Variants in PPP1R12B observed in about 807,000 individuals in gnomAD.
PPP1R12B encodes myosin phosphatase target subunit 2.
PPP1R12B carries 76 observed loss-of-function variants against 126.1 expected under a neutral mutation model. That is an observed-to-expected ratio of 0.60 (90% confidence interval 0.50 to 0.73). The LOEUF (loss-of-function observed/expected upper bound fraction) is 0.73, where lower values mean the gene tolerates loss of function less well. Ranked by LOEUF, PPP1R12B falls within the 30% of genes least tolerant of loss-of-function variation. The pLI, the probability that PPP1R12B is intolerant of heterozygous loss-of-function variation, is 0.00. For missense variants in PPP1R12B, 1,052 were observed against 1,205.1 expected (o/e 0.87, Z 1.88); for synonymous variants, 356 against 434.7 (o/e 0.82, Z 2.25).
intron 1 of PPP1R12B, among the ~76,000 whole-genome samples, chr1:202,401,199 T>C (rs2148561072): frequency 6.6e-6 from 1 of 151,854 alleles, no homozygotes; most frequent in East Asian, 1.9e-4. Context: ...TTTTTCTCTT[T>C]TTTTTTTAGA....
intron 11 of PPP1R12B, among the ~76,000 whole-genome samples, chr1:202,441,305 C>T (rs1051532402): frequency 1.3e-5 from 2 of 152,082 alleles, no homozygotes; most frequent in African/African-American, 2.4e-5. Flanking sequence ...TGGCATCACC[C>T]GGGTACATTT....
rs763306615 is a variant in PPP1R12B at position 202,416,914 on chromosome 1, C to G, written c.419C>G (p.Ala140Gly). ...AAASCGYLNI[A>G]EYFINHGASV... ...GCTTCCTGTGGCTATCTCAACATAGCAGAGTGAGTGAGTCTCTGTGTGTGT... is the reference window on the plus strand; with the variant it reads ...GCTTCCTGTGGCTATCTCAACATAGGAGAGTGAGTGAGTCTCTGTGTGTGT... The change falls in exon 2 of 24, where the codon GCA (alanine) becomes GGA (glycine). Residue 140 changes from alanine (A) to glycine (G), a missense_variant. Ala to Gly is a moderately conservative substitution (Grantham distance 60, BLOSUM62 0). Transcript: ENST00000608999. 2 of 1,613,512 alleles carry G rather than the reference C, an allele frequency of 1.2e-6. No homozygotes were observed. The highest frequency in any genetic ancestry group is 1.7e-6 in the Non-Finnish European group (2 of 1,179,622).
Position 202,377,372 on chromosome 1 carries a change from G to A in PPP1R12B, c.291+28230G>A, listed in dbSNP as rs1236047995. Among the ~76,000 whole-genome samples, 3 of 150,782 alleles carry A rather than the reference G, an allele frequency of 2.0e-5. No individual in the cohort carries two copies. The East Asian group carries it at 5.8e-4, about 29-fold the overall frequency. On this transcript the variant is annotated intron_variant, in intron 1 of 23. Coordinates refer to ENST00000608999, the MANE Select transcript of PPP1R12B (RefSeq NM_002481.4). Reference sequence around the variant, plus strand: ...GGCTGGAGTTCAGTGGCGTGATCTCGACTCACTGCAAGCTCCGCCTCCCGG... The same window carrying A: ...GGCTGGAGTTCAGTGGCGTGATCTCAACTCACTGCAAGCTCCGCCTCCCGG...
At chr1:202,531,641 A>T (rs890318099) in intron 18 of PPP1R12B, among the ~76,000 whole-genome samples, 2 of 152,218 alleles carry the variant, frequency 1.3e-5, no homozygotes, top group African/African-American at 4.8e-5. Flanking sequence ...AGGAACAGAG[A>T]TCTTAAACTA....
intron 18 of PPP1R12B, among the ~76,000 whole-genome samples, chr1:202,552,287 G>T (rs1158639672): frequency 1.3e-5 from 2 of 152,048 alleles, no homozygotes; most frequent in Admixed American, 6.6e-5. Flanking sequence ...AACAATGCAG[G>T]CTTCACTTCA....
At position 202,492,011 on chromosome 1, in the gene PPP1R12B, A is replaced by G. The variant is rs74338886; in HGVS notation, c.1942-1103A>G. ...TTGTGTGCTTCATCTTTGCTAAGTT[A>G]CCTACAGATTCCTAAATCATCCGTG... is the stretch of plus-strand genomic sequence containing the variant. On this transcript the variant is annotated intron_variant, in intron 14 of 23. Transcript: ENST00000608999. Among the ~76,000 whole-genome samples the G allele has an allele frequency of 2.1e-3, 315 of 152,230 alleles. 1 individual carries two copies. Among genetic ancestry groups the G allele is most frequent in the African/African-American group, 7.4e-3 (307 of 41,532 alleles).
At chr1:202,374,785 G>A (rs577960755) in intron 1 of PPP1R12B, among the ~76,000 whole-genome samples, 5 of 151,772 alleles carry the variant, frequency 3.3e-5, no homozygotes, top group Non-Finnish European at 5.9e-5. Flanking sequence ...CAATCCGCCC[G>A]CCTCTGCCTC....
chr1:202,571,757 G>A (rs928409451), intron 23 of PPP1R12B, among the ~76,000 whole-genome samples: 4 of 152,006 alleles, frequency 2.6e-5, no homozygotes, highest in African/African-American at 9.7e-5. Context: ...CGTCTGGCCA[G>A]GACTGATTTT....
At chr1:202,374,552 C>A (rs565305208) in intron 1 of PPP1R12B, among the ~76,000 whole-genome samples, 3 of 122,398 alleles carry the variant, frequency 2.5e-5, no homozygotes, top group Non-Finnish European at 3.2e-5. Flanking sequence ...GGCTGGAGTG[C>A]AGTGGCGCAA....
chr1:202,484,473 C>A (rs1677812516), intron 13 of PPP1R12B, among the ~76,000 whole-genome samples: 1 of 152,098 alleles, frequency 6.6e-6, no homozygotes, highest in South Asian at 2.1e-4. Context: ...CGGGTTTTGA[C>A]CATTTTGACT....
chr1:202,385,695 A>G (rs1442453229), intron 1 of PPP1R12B, among the ~76,000 whole-genome samples: 1 of 152,186 alleles, frequency 6.6e-6, no homozygotes, highest in Admixed American at 6.5e-5. Flanking sequence ...GAGTTGTGCA[A>G]GGGCTCACAG....
intron 9 of PPP1R12B, among the ~76,000 whole-genome samples, chr1:202,435,005 A>T (rs1670622136): frequency 6.6e-6 from 1 of 152,086 alleles, no homozygotes; most frequent in Non-Finnish European, 1.5e-5. Flanking sequence ...GTTCCTGGTG[A>T]GGGCCCTCTT....
At chr1:202,557,086 C>T (rs1687028392) in intron 18 of PPP1R12B, among the ~76,000 whole-genome samples, 1 of 152,194 alleles carries the variant, frequency 6.6e-6, no homozygotes, top group African/African-American at 2.4e-5. Context: ...CTCTTGTGCT[C>T]AAGTGATCCT....
In PPP1R12B at chr1:202,438,168, A is replaced by G. The variant is rs1671076804; in HGVS notation, c.1458+144A>G. On this transcript the variant is annotated intron_variant, in intron 10 of 23. Coordinates refer to ENST00000608999, the MANE Select transcript of PPP1R12B (RefSeq NM_002481.4). ...TCTTTAAAGAGAGAGAGGCACACTGATAGTTTATTCAAGTAGCTATTTGCT... is the reference window on the plus strand; with the variant it reads ...TCTTTAAAGAGAGAGAGGCACACTGGTAGTTTATTCAAGTAGCTATTTGCT... The G allele has an allele frequency of 4.5e-6, 7 of 1,560,534 alleles. No homozygotes were observed. The South Asian group carries it at 8.2e-5, about 18-fold the overall frequency.
chr1:202,420,118 T>A (rs1668564373), intron 2 of PPP1R12B, among the ~76,000 whole-genome samples: 1 of 152,268 alleles, frequency 6.6e-6, no homozygotes, highest in Non-Finnish European at 1.5e-5. Flanking sequence ...GGCAGCTTCT[T>A]GCATGACTCA....
intron 19 of PPP1R12B, among the ~76,000 whole-genome samples, chr1:202,559,901 C>G (rs967753867): frequency 4.6e-5 from 7 of 152,202 alleles, no homozygotes; most frequent in Admixed American, 3.9e-4. Flanking sequence ...TGAAAGGAAA[C>G]TTTTTCCCAC....
At chr1:202,533,471 GT>G (rs1168343634) in intron 18 of PPP1R12B, among the ~76,000 whole-genome samples, 1 of 151,792 alleles carries the variant, frequency 6.6e-6, no homozygotes, top group African/African-American at 2.4e-5. Flanking sequence ...GGGTTTTTTT[GT>G]TTTGTTTTGT....
intron 1 of PPP1R12B, among the ~76,000 whole-genome samples, chr1:202,362,569 A>AGT (rs1658400156): frequency 2.0e-5 from 3 of 151,756 alleles, no homozygotes; most frequent in Non-Finnish European, 2.9e-5. Flanking sequence ...CATTGGCACC[A>AGT]GTTTTCAGTT....
At chr1:202,382,450 GA>G (rs908444412) in intron 1 of PPP1R12B, among the ~76,000 whole-genome samples, 3 of 121,240 alleles carry the variant, frequency 2.5e-5, no homozygotes, top group Admixed American at 8.4e-5. Flanking sequence ...AAAAGAAAAA[GA>G]AAAAAACCCA....
Sources: gnomAD v4.1 joint callset for allele counts (sites outside exome capture counted in the v4.1 genomes callset) on GRCh38, gnomAD v4.1.1 for gene constraint, MANE v1.5 for transcripts, NCBI Gene and HGNC (gene_info 2026-07-23, HGNC 2026-07-21) for gene names.